Variants in HS3ST4 observed in about 807,000 individuals in gnomAD.
HS3ST4 encodes heparan sulfate glucosamine 3-O-sulfotransferase 4.
In HS3ST4, 17 loss-of-function variants were observed where a neutral mutation model predicts 29.2. The observed-to-expected ratio is 0.58, with a 90% CI of 0.40 to 0.87. The LOEUF is 0.87. HS3ST4 is among the 40% of genes least tolerant of loss of function. The pLI is 0.00. For missense variants in HS3ST4, 627 were observed against 634.5 expected (o/e 0.99, Z 0.13); for synonymous variants, 314 against 285.7 (o/e 1.10, Z -1.00).
intron 1 of HS3ST4, among the ~76,000 whole-genome samples, chr16:26,006,238 G>T (rs1421858021): frequency 7.3e-6 from 1 of 136,698 alleles, no homozygotes; most frequent in African/African-American, 2.7e-5. Flanking sequence ...GGCAGAGGTT[G>T]CAGTGAGGCA....
chr16:25,885,526 A>G (rs1459861129), intron 1 of HS3ST4, among the ~76,000 whole-genome samples: 2 of 152,126 alleles, frequency 1.3e-5, no homozygotes, highest in African/African-American at 4.8e-5. Context: ...AAGTTTCAAA[A>G]AAGGAAGGGG....
intron 1 of HS3ST4, among the ~76,000 whole-genome samples, chr16:26,010,589 A>G (rs1567292962): frequency 2.0e-5 from 3 of 152,236 alleles, no homozygotes; most frequent in African/African-American, 2.4e-5. Context: ...TTGGGTGTCT[A>G]TAATTTTCAA....
intron 1 of HS3ST4, among the ~76,000 whole-genome samples, chr16:26,110,913 T>C (rs1009950210): frequency 1.3e-5 from 2 of 152,266 alleles, no homozygotes; most frequent in African/African-American, 4.8e-5. Context: ...TTTTCACTAT[T>C]TCTTTTTAGA....
chr16:25,899,839 AG>A (rs1488203160), intron 1 of HS3ST4, among the ~76,000 whole-genome samples: 1 of 152,032 alleles, frequency 6.6e-6, no homozygotes, highest in Non-Finnish European at 1.5e-5. Context: ...GGCAAATGTG[AG>A]AACTCCTTCA....
At chr16:25,760,111 T>C (rs1966780335) in intron 1 of HS3ST4, among the ~76,000 whole-genome samples, 1 of 152,032 alleles carries the variant, frequency 6.6e-6, no homozygotes. Context: ...GCCCTAACCC[T>C]AACCCTAACC....
intron 1 of HS3ST4, among the ~76,000 whole-genome samples, chr16:25,961,908 C>T (rs1317222637): frequency 6.6e-6 from 1 of 152,086 alleles, no homozygotes; most frequent in Non-Finnish European, 1.5e-5. Flanking sequence ...GTCTAGCTCC[C>T]AATTATGTAT....
chr16:25,847,090 A>T (rs1967474663), intron 1 of HS3ST4, among the ~76,000 whole-genome samples: 1 of 151,610 alleles, frequency 6.6e-6, no homozygotes, highest in African/African-American at 2.4e-5. Context: ...TCTTTAAAAC[A>T]TCATATTGGA....
chr16:26,115,582 A>G (rs1899192465), intron 1 of HS3ST4, among the ~76,000 whole-genome samples: 1 of 152,110 alleles, frequency 6.6e-6, no homozygotes, highest in Non-Finnish European at 1.5e-5. Context: ...GGAAAAAGAA[A>G]TATTTTATTC....
intron 1 of HS3ST4, among the ~76,000 whole-genome samples, chr16:25,844,876 G>A (rs2141646568): frequency 6.6e-6 from 1 of 152,252 alleles, no homozygotes; most frequent in East Asian, 1.9e-4. Context: ...CCATAAAAAG[G>A]AACAAGATCA....
At chr16:25,838,865 C>A (rs1487067273) in intron 1 of HS3ST4, among the ~76,000 whole-genome samples, 1 of 152,144 alleles carries the variant, frequency 6.6e-6, no homozygotes, top group Non-Finnish European at 1.5e-5. Context: ...GGGGGAGGTG[C>A]CACCAGAGAA....
Position 26,137,660 on chromosome 16 carries a change from T to TTGTTA in HS3ST4, c.*1414_*1418dup, listed in dbSNP as rs2141819129. The stretch of plus-strand genomic sequence containing the variant: ...TTTCTCCCGCTAAATGAAAACCGTG[T>TTGTTA]TGTTATAAAGCTTAATGCAACCTGA... On this transcript the variant is annotated 3_prime_UTR_variant, in exon 2 of 2. Coordinates refer to ENST00000331351, the MANE Select transcript of HS3ST4 (RefSeq NM_006040.3). 1 of 152,294 alleles carries TTGTTA rather than the reference T, an allele frequency of 6.6e-6. No homozygotes were observed. The highest frequency in any genetic ancestry group is 1.9e-4 in the East Asian group (1 of 5,150). The allele number at this position is 152,294 out of a possible 1,614,324, so 9.4% of individuals were successfully genotyped here.
At chr16:25,888,187 T>C (rs1967974296) in intron 1 of HS3ST4, among the ~76,000 whole-genome samples, 2 of 152,164 alleles carry the variant, frequency 1.3e-5, no homozygotes, top group Admixed American at 6.5e-5. Context: ...ACTGCTACAC[T>C]GGAACGGTTA....
At chr16:25,693,448 C>G (rs1966272201) in intron 1 of HS3ST4, among the ~76,000 whole-genome samples, 1 of 152,234 alleles carries the variant, frequency 6.6e-6, no homozygotes, top group Non-Finnish European at 1.5e-5. Context: ...TGGGAACCCC[C>G]AGCCCTCCTG....
At chr16:25,980,794 C>T (rs564174156) in intron 1 of HS3ST4, among the ~76,000 whole-genome samples, 26 of 152,150 alleles carry the variant, frequency 1.7e-4, no homozygotes, top group Non-Finnish European at 3.5e-4. Flanking sequence ...AGGAAGCACA[C>T]CACGCCACTC....
intron 1 of HS3ST4, among the ~76,000 whole-genome samples, chr16:25,772,835 G>A (rs1423745286): frequency 2.6e-5 from 4 of 152,182 alleles, no homozygotes; most frequent in Admixed American, 2.6e-4. Context: ...TCTAATGCAA[G>A]CCTGGGAATC....
At chr16:26,127,763 G>A (rs1899364464) in intron 1 of HS3ST4, among the ~76,000 whole-genome samples, 1 of 152,148 alleles carries the variant, frequency 6.6e-6, no homozygotes, top group Admixed American at 6.5e-5. Flanking sequence ...CTTTGGTAGG[G>A]CTATTGCCAC....
At chr16:25,980,827 G>A (rs1291776544) in intron 1 of HS3ST4, among the ~76,000 whole-genome samples, 2 of 152,186 alleles carry the variant, frequency 1.3e-5, no homozygotes, top group Non-Finnish European at 2.9e-5. Context: ...GGAAGAACTA[G>A]GGTCAGGCAG....
At chr16:26,101,330 G>A (rs562158001) in intron 1 of HS3ST4, among the ~76,000 whole-genome samples, 4 of 152,286 alleles carry the variant, frequency 2.6e-5, no homozygotes, top group Non-Finnish European at 5.9e-5. Context: ...GACCATCCTC[G>A]TCTCTGTCAT....
intron 1 of HS3ST4, among the ~76,000 whole-genome samples, chr16:26,031,587 C>T (rs1032992605): frequency 1.1e-4 from 16 of 151,894 alleles, no homozygotes; most frequent in Middle Eastern, 3.4e-3. Flanking sequence ...AGCAGAGAGG[C>T]GCAAATTGGC....
Sources: gnomAD v4.1 joint callset for allele counts (sites outside exome capture counted in the v4.1 genomes callset) on GRCh38, gnomAD v4.1.1 for gene constraint, MANE v1.5 for transcripts, NCBI Gene and HGNC (gene_info 2026-07-23, HGNC 2026-07-21) for gene names.